ELP4: variants seen among roughly 807,000 people sequenced by gnomAD.
The protein encoded by ELP4 is elongator acetyltransferase complex subunit 4, also known as elongator complex protein 4.
In ELP4, 51 loss-of-function variants were observed where a neutral mutation model predicts 48.9. That is an observed-to-expected ratio of 1.04 (90% CI 0.83 to 1.32). The LOEUF is 1.32. ELP4 is among the 40% of genes most tolerant of loss of function. The probability of loss-of-function intolerance (pLI) is 0.00; values close to 1 mark genes in which losing one functional copy is unlikely to be tolerated. For missense variants in ELP4, 519 were observed against 514.6 expected, an observed-to-expected ratio of 1.01 and a Z score of -0.08; for synonymous variants, 210 against 189.2, an observed-to-expected ratio of 1.11 and a Z score of -0.90.
intron 7 of ELP4, among the ~76,000 whole-genome samples, chr11:31,640,283 T>G (rs999954892): frequency 6.6e-6 from 1 of 151,996 alleles, no homozygotes; most frequent in African/African-American, 2.4e-5. Context: ...TTTTTTTCTT[T>G]GGCATTGTAA....
At chr11:31,647,998 A>G (rs1445880402) in intron 8 of ELP4, 149 bp downstream of exon 8, 4 of 545,308 alleles carry the variant, frequency 7.3e-6, no homozygotes, top group Admixed American at 6.2e-5. Flanking sequence ...CCAGTCTTCC[A>G]TGGCAGCTTA....
At chr11:31,759,378 A>G (rs1469946177) in intron 9 of ELP4, among the ~76,000 whole-genome samples, 1 of 152,232 alleles carries the variant, frequency 6.6e-6, no homozygotes, top group African/African-American at 2.4e-5. Flanking sequence ...TTTATCCTGA[A>G]TGACTGGAGC....
chr11:31,515,033 GTATATA>G lies in ELP4; in HGVS notation c.224-5005_224-5000del, dbSNP rs10676705. 2.3e-4 allele frequency among the ~76,000 whole-genome samples: 31 copies of G among 133,978 alleles called. No individual in the cohort carries two copies. In the East Asian group the frequency reaches 4.9e-3, roughly 21 times the overall value. The allele number at this position is 133,978 out of a possible 152,430, so 87.9% of individuals were successfully genotyped here. On this transcript the variant is annotated intron_variant, in intron 1 of 9. Transcript: ENST00000640961. ...TGTGTGTGTGTGTGTGTGTGTGTGTGTATATATATATATATATATATATGTATAGGT... is the reference window on the plus strand; with the variant it reads ...TGTGTGTGTGTGTGTGTGTGTGTGTGTATATATATATATATATGTATAGGT...
At chr11:31,557,608 C>G (rs974273271) in intron 3 of ELP4, among the ~76,000 whole-genome samples, 1 of 151,958 alleles carries the variant, frequency 6.6e-6, no homozygotes, top group African/African-American at 2.4e-5. Context: ...TCCAGAAATA[C>G]CTCAGGTGCA....
intron 4 of ELP4, among the ~76,000 whole-genome samples, chr11:31,595,579 C>T (rs1181287249): frequency 6.6e-6 from 1 of 152,210 alleles, no homozygotes; most frequent in Admixed American, 6.5e-5. Flanking sequence ...TCCACATTGA[C>T]ATCAGTGTTA....
At position 31,594,868 on chromosome 11, in the gene ELP4, A is replaced by G; in HGVS notation, c.480A>G (p.Ile160Met). ...KTPESNIKMK[I>M]AWRYQLLPKM... ...CAGAATCTAATATTAAGATGAAAAT[A>G]GCTTGGCGTTACCAGTTATTACCCA... is the stretch of plus-strand genomic sequence containing the variant. The change falls in exon 4 of 10, where the codon ATA (isoleucine) becomes ATG (methionine). Residue 160 changes from isoleucine to methionine, a missense_variant. Transcript: ENST00000640961. 1.3e-6 allele frequency: 2 copies of G among 1,563,884 alleles called. No individual in the cohort carries two copies. The highest frequency in any genetic ancestry group is 1.7e-6 in the Non-Finnish European group (2 of 1,162,982).
chr11:31,546,666 A>G (rs942246025), intron 3 of ELP4, among the ~76,000 whole-genome samples: 1 of 152,112 alleles, frequency 6.6e-6, no homozygotes, highest in Non-Finnish European at 1.5e-5. Context: ...CTCCACCCCA[A>G]ATCAACAGAA....
chr11:31,689,326 C>A (rs1946225646), intron 9 of ELP4: 1 of 151,756 alleles, frequency 6.6e-6, no homozygotes, highest in South Asian at 2.1e-4. Context: ...CCTGTAGTCC[C>A]ATCTACTCAG....
At chr11:31,513,074 C>A (rs569947160) in intron 1 of ELP4, among the ~76,000 whole-genome samples, 1 of 152,088 alleles carries the variant, frequency 6.6e-6, no homozygotes, top group South Asian at 2.1e-4. Flanking sequence ...AAAGTAAACA[C>A]TAGTGGGCTT....
intron 3 of ELP4, among the ~76,000 whole-genome samples, chr11:31,542,395 A>G (rs775645106): frequency 1.4e-4 from 21 of 152,192 alleles, no homozygotes; most frequent in Non-Finnish European, 2.5e-4. Flanking sequence ...TAGTCTTCAG[A>G]TGAGTGCTCA....
chr11:31,781,931 A>G (rs3026407), intron 9 of ELP4, among the ~76,000 whole-genome samples: 1,746 of 152,284 alleles, frequency 0.011, 34 homozygotes, highest in African/African-American at 0.041. Context: ...TCATTCAAGA[A>G]ATAGATATTT....
chr11:31,539,070 T>C (rs1956551037), intron 2 of ELP4, among the ~76,000 whole-genome samples: 1 of 152,232 alleles, frequency 6.6e-6, no homozygotes. Flanking sequence ...TGAAGTTCCC[T>C]ATACCTGAAG....
intron 3 of ELP4, among the ~76,000 whole-genome samples, chr11:31,544,464 G>A (rs1956657883): frequency 6.6e-6 from 1 of 152,214 alleles, no homozygotes; most frequent in African/African-American, 2.4e-5. Context: ...GCCCGCCATT[G>A]CCCAGGTTTG....
At chr11:31,650,253 C>A in intron 9 of ELP4, 32 bp downstream of exon 9, 1 of 710,282 alleles carries the variant, frequency 1.4e-6, no homozygotes. Flanking sequence ...AGTTTACAAT[C>A]TTGAGATAAA....
intron 7 of ELP4, among the ~76,000 whole-genome samples, chr11:31,641,107 A>T (rs1339487198): frequency 6.6e-6 from 1 of 151,860 alleles, no homozygotes. Context: ...AATTTAGCAA[A>T]CTTTTTGTGT....
chr11:31,650,013 T>A (rs1251498954), intron 8 of ELP4, 102 bp from the exon 9 acceptor site: 1 of 507,780 alleles, frequency 2.0e-6, no homozygotes, highest in East Asian at 3.3e-5. Context: ...AAGGGGAGGA[T>A]GCTTGTGTGT....
chr11:31,789,641 T>A lies in ELP4; in HGVS notation c.*6117T>A. 1.4e-6 allele frequency: 1 copy of A among 697,350 alleles called. No homozygotes were observed. Among genetic ancestry groups the A allele is most frequent in the Non-Finnish European group, 2.6e-6 (1 of 382,820 alleles). 43.2% of individuals were successfully genotyped at this position (697,350 alleles called of 1,614,324 possible). A position where few individuals can be genotyped will look rare whatever the true frequency, so the allele number is the denominator to read the frequency against. ...AACATCCATCCAGTCTACATTGTTC[T>A]TTTTTTCATTATAACATACAAATGC... On this transcript the variant is annotated 3_prime_UTR_variant, in exon 10 of 10. Coordinates refer to ENST00000640961, the MANE Select transcript of ELP4 (RefSeq NM_019040.5).
chr11:31,572,286 C>CT (rs1387025763), intron 3 of ELP4, among the ~76,000 whole-genome samples: 1 of 152,138 alleles, frequency 6.6e-6, no homozygotes, highest in South Asian at 2.1e-4. Context: ...TAACTTCCAG[C>CT]TTTTTTTCTG....
chr11:31,521,698 A>T (rs563271086), intron 2 of ELP4, among the ~76,000 whole-genome samples: 1 of 152,164 alleles, frequency 6.6e-6, no homozygotes, highest in Admixed American at 6.5e-5. Flanking sequence ...ATTTCACATG[A>T]TCAGCATTTC....
Sources: gnomAD v4.1 joint callset for allele counts (sites outside exome capture counted in the v4.1 genomes callset) on GRCh38, gnomAD v4.1.1 for gene constraint, MANE v1.5 for transcripts, NCBI Gene and HGNC (gene_info 2026-07-23, HGNC 2026-07-21) for gene names.